The following RBM26 variants were observed in gnomAD, a reference collection of about 807,000 sequenced individuals.
The protein encoded by RBM26 is RNA-binding protein 26.
A neutral mutation model predicts 123.6 loss-of-function variants in RBM26; 30 were observed. The observed-to-expected ratio is 0.24, with a 90% CI of 0.18 to 0.33. The LOEUF (loss-of-function observed/expected upper bound fraction) is 0.33, where lower values mean the gene tolerates loss of function less well. Among genes scored for constraint, RBM26 ranks in the 10% least tolerant of loss-of-function variants. The pLI is 1.00. For missense variants in RBM26, 947 were observed against 1,203.6 expected (o/e 0.79, Z 3.15); for synonymous variants, 400 against 404.4 (o/e 0.99, Z 0.13).
downstream of RBM26, chr13:79,315,014 TAAA>T: frequency 7.8e-7 from 1 of 1,286,182 alleles, no homozygotes; most frequent in Non-Finnish European, 1.0e-6. Context: ...AGAAGACTAT[TAAA>T]AAAAACTTTG....
Position 79,344,800 on chromosome 13 carries a change from A to G in RBM26, c.2059-6T>C, listed in dbSNP as rs369441776. The G allele has an allele frequency of 2.5e-4, 399 of 1,607,568 alleles. 2 individuals are homozygous for G. The highest frequency in any genetic ancestry group is 3.3e-4 in the Non-Finnish European group (387 of 1,177,836). On this transcript the variant is annotated splice_region_variant and splice_polypyrimidine_tract_variant and intron_variant, in intron 14 of 21. Coordinates refer to ENST00000438737, the MANE Select transcript of RBM26 (RefSeq NM_001366735.2). ...CCAGTAGATGTAGACAACACCTACC[A>G]ATACAAATTCAACTTTTAAAAATAT...
chr13:79,396,183 A>G (rs964416021), intron 1 of RBM26, among the ~76,000 whole-genome samples: 5 of 152,018 alleles, frequency 3.3e-5, no homozygotes, highest in Non-Finnish European at 5.9e-5. Flanking sequence ...CAATGGAACA[A>G]TATCATAAAA....
intron 1 of RBM26, among the ~76,000 whole-genome samples, chr13:79,388,346 T>C (rs1364608293): frequency 6.6e-6 from 1 of 152,232 alleles, no homozygotes; most frequent in Non-Finnish European, 1.5e-5. Flanking sequence ...TCCACCCACT[T>C]GGGCCTCCCA....
At position 79,319,970 on chromosome 13, in the gene RBM26, T is replaced by TTTTTTAATTG; in HGVS notation, c.*650_*651insCAATTAAAAA. Reference sequence around the variant, plus strand: ...TTGGCTTTTTTTTTTTTTTTTTTTTTGTCATTGCTTTTCTCTTTTCTTTCC... The same window carrying TTTTTTAATTG: ...TTGGCTTTTTTTTTTTTTTTTTTTTTTTTTTAATTGGTCATTGCTTTTCTCTTTTCTTTCC... On this transcript the variant is annotated 3_prime_UTR_variant, in exon 22 of 22. Transcript: ENST00000438737. The TTTTTTAATTG allele has an allele frequency of 4.4e-6, 2 of 457,404 alleles. No homozygotes were observed. Among genetic ancestry groups the TTTTTTAATTG allele is most frequent in the Non-Finnish European group, 5.4e-6 (2 of 371,428 alleles). 28.3% of individuals were successfully genotyped at this position (457,404 alleles called of 1,614,324 possible).
rs2076069940 is a variant in RBM26, at chr13:79,372,820, A to AT, written c.328-891dup. Among the ~76,000 whole-genome samples the AT allele has an allele frequency of 1.9e-5, 2 of 105,402 alleles. 1 individual carries two copies. Among genetic ancestry groups the AT allele is most frequent in the Non-Finnish European group, 3.3e-5 (2 of 60,612 alleles). 69.1% of individuals were successfully genotyped at this position (105,402 alleles called of 152,430 possible). ...TATAATTATATGATATATATTTATA[A>AT]TAAATATTTTATATAAATATATTAT... is the stretch of plus-strand genomic sequence containing the variant. On this transcript the variant is annotated intron_variant, in intron 3 of 21. Coordinates refer to ENST00000438737, the MANE Select transcript of RBM26 (RefSeq NM_001366735.2).
chr13:79,319,954 T>A lies in RBM26; in HGVS notation c.*667A>T. 5.7e-6 allele frequency: 3 copies of A among 523,218 alleles called. No homozygotes were observed. The highest frequency in any genetic ancestry group is 7.2e-6 in the Non-Finnish European group (3 of 414,176). The allele number at this position is 523,218 out of a possible 1,614,324, so 32.4% of individuals were successfully genotyped here. A position where few individuals can be genotyped will look rare whatever the true frequency, so the allele number is the denominator to read the frequency against. ...ATCAAGGAACATTGTCTTGGCTTTT[T>A]TTTTTTTTTTTTTTTTGTCATTGCT... On this transcript the variant is annotated 3_prime_UTR_variant, in exon 22 of 22. Transcript: ENST00000438737.
chr13:79,358,497 A>C lies in RBM26; in HGVS notation c.1530-64T>G, dbSNP rs2074289829. 6 of 1,275,408 alleles carry C rather than the reference A, an allele frequency of 4.7e-6. No individual in the cohort carries two copies. In the Admixed American group the frequency reaches 9.6e-5, roughly 20 times the overall value. 79.0% of individuals were successfully genotyped at this position (1,275,408 alleles called of 1,614,324 possible). A position where few individuals can be genotyped will look rare whatever the true frequency, so the allele number is the denominator to read the frequency against. ...TCCTGACCCTAACCAAATACAAGGG[A>C]ATAAAGTTTAACAAAATAGATATCC... On this transcript the variant is annotated intron_variant, in intron 10 of 21. Coordinates refer to ENST00000438737, the MANE Select transcript of RBM26 (RefSeq NM_001366735.2).
At chr13:79,385,043 AAT>A (rs1186537354) in intron 1 of RBM26, among the ~76,000 whole-genome samples, 1 of 152,154 alleles carries the variant, frequency 6.6e-6, no homozygotes, top group African/African-American at 2.4e-5. Flanking sequence ...ATTAAATTTA[AAT>A]ATGTTAACTG....
At chr13:79,334,006 T>C (rs564361927) in intron 20 of RBM26, among the ~76,000 whole-genome samples, 8 of 152,008 alleles carry the variant, frequency 5.3e-5, no homozygotes, top group African/African-American at 1.4e-4. Flanking sequence ...CCAAAGCAGA[T>C]CCTGTTTTGG....
intron 14 of RBM26, among the ~76,000 whole-genome samples, chr13:79,347,807 TA>T (rs34921250): frequency 6.6e-6 from 1 of 151,482 alleles, no homozygotes; most frequent in African/African-American, 2.4e-5. Flanking sequence ...AGTACAATAC[TA>T]AAAAAAATAA....
intron 3 of RBM26, among the ~76,000 whole-genome samples, chr13:79,372,862 A>ATATTTTATATAAATATATTAT: frequency 3.1e-5 from 2 of 65,442 alleles, no homozygotes; most frequent in Non-Finnish European, 4.7e-5. Flanking sequence ...TATAAATATA[A>ATATTTTATATAAATATATTAT]ATATATTTAT....
In RBM26 at chr13:79,387,292, T is replaced by TAA. The variant is rs5805030; in HGVS notation, c.72-8387_72-8386dup. On this transcript the variant is annotated intron_variant, in intron 1 of 21. Coordinates refer to ENST00000438737, the MANE Select transcript of RBM26 (RefSeq NM_001366735.2). ...GGGATTACTAAATAATGAACTATGA[T>TAA]AAAAAAAAATGCCTATAATCACCCC... Among the ~76,000 whole-genome samples the TAA allele has an allele frequency of 3.6e-3, 541 of 150,632 alleles. 4 individuals are homozygous for TAA. Among genetic ancestry groups the TAA allele is most frequent in the African/African-American group, 0.01 (417 of 41,176 alleles).
rs928035805 is a variant in RBM26, at chr13:79,405,921, C to A, written c.-147G>T. The A allele has an allele frequency of 1.9e-5, 7 of 368,280 alleles. No homozygotes were observed. Among genetic ancestry groups the A allele is most frequent in the Non-Finnish European group, 3.3e-5 (7 of 211,828 alleles). The allele number at this position is 368,280 out of a possible 1,614,324, so 22.8% of individuals were successfully genotyped here. A position where few individuals can be genotyped will look rare whatever the true frequency, so the allele number is the denominator to read the frequency against. On this transcript the variant is annotated 5_prime_UTR_variant, in exon 1 of 22. Coordinates refer to ENST00000438737, the MANE Select transcript of RBM26 (RefSeq NM_001366735.2). ...GTGGCAGGTTCCCGCGGGCCCCGGT[C>A]GGCGAACAGCTCTGCAAGGACCGCC...
At chr13:79,374,202 C>T (rs528398851) in intron 3 of RBM26, among the ~76,000 whole-genome samples, 1 of 152,260 alleles carries the variant, frequency 6.6e-6, no homozygotes, top group Admixed American at 6.5e-5. Context: ...GGCACAGTGG[C>T]TCACACCTAT....
In RBM26 at chr13:79,319,958, T is replaced by C; in HGVS notation, c.*663A>G. ...AGGAACATTGTCTTGGCTTTTTTTT[T>C]TTTTTTTTTTTTGTCATTGCTTTTC... On this transcript the variant is annotated 3_prime_UTR_variant, in exon 22 of 22. Transcript: ENST00000438737. 1.7e-6 allele frequency: 1 copy of C among 583,692 alleles called. No individual in the cohort carries two copies. Among genetic ancestry groups the C allele is most frequent in the Non-Finnish European group, 2.1e-6 (1 of 469,344 alleles). The allele number at this position is 583,692 out of a possible 1,614,324, so 36.2% of individuals were successfully genotyped here.
intron 12 of RBM26, among the ~76,000 whole-genome samples, chr13:79,354,957 C>T (rs1375958754): frequency 2.0e-5 from 3 of 152,190 alleles, no homozygotes; most frequent in Non-Finnish European, 4.4e-5. Flanking sequence ...ATATACATAG[C>T]TGAGTACTCC....
At chr13:79,363,703 C>T (rs2074965289) in intron 9 of RBM26, among the ~76,000 whole-genome samples, 1 of 152,092 alleles carries the variant, frequency 6.6e-6, no homozygotes, top group Non-Finnish European at 1.5e-5. Context: ...ACCACACATC[C>T]AACTTGTACA....
At chr13:79,373,402 AT>A (rs2076244211) in intron 3 of RBM26, among the ~76,000 whole-genome samples, 1 of 70,046 alleles carries the variant, frequency 1.4e-5, no homozygotes, top group Non-Finnish European at 2.4e-5. Flanking sequence ...TATAATATAT[AT>A]TATATACTAT....
chr13:79,344,940 AATC>A, intron 14 of RBM26, 146 bp from the exon 15 acceptor site: 1 of 694,554 alleles, frequency 1.4e-6, no homozygotes, highest in Admixed American at 3.8e-5. Flanking sequence ...ATAATAACGA[AATC>A]ATATTTGGTG....
Sources: gnomAD v4.1 joint callset for allele counts (sites outside exome capture counted in the v4.1 genomes callset) on GRCh38, gnomAD v4.1.1 for gene constraint, MANE v1.5 for transcripts, NCBI Gene and HGNC (gene_info 2026-07-23, HGNC 2026-07-21) for gene names.